The following DRD3 variants were observed in gnomAD, a reference collection of about 807,000 sequenced individuals.
DRD3 encodes D(3) dopamine receptor.
DRD3 carries 19 observed loss-of-function variants against 36.3 expected under a neutral mutation model. The observed-to-expected ratio is 0.52, with a 90% CI of 0.36 to 0.77. The LOEUF (loss-of-function observed/expected upper bound fraction) is 0.77, where lower values mean the gene tolerates loss of function less well. Ranked by LOEUF, DRD3 falls within the 30% of genes least tolerant of loss-of-function variation. The pLI is 0.00. For synonymous variants in DRD3, 195 were observed against 203.7 expected, an observed-to-expected ratio of 0.96 and a Z score of 0.36; for missense variants, 465 against 505.3, an observed-to-expected ratio of 0.92 and a Z score of 0.77.
intron 3 of DRD3, among the ~76,000 whole-genome samples, chr3:114,158,588 A>T (rs1389187708): frequency 6.6e-6 from 1 of 152,198 alleles, no homozygotes; most frequent in Non-Finnish European, 1.5e-5. Context: ...CCCATTACAG[A>T]GTCTTGAACA....
At chr3:114,144,902 G>A (rs1326779020) in intron 4 of DRD3, among the ~76,000 whole-genome samples, 1 of 152,108 alleles carries the variant, frequency 6.6e-6, no homozygotes, top group Non-Finnish European at 1.5e-5. Flanking sequence ...AATCCTTTTG[G>A]AAAAAACTTT....
chr3:114,181,222 A>G (rs2077946030), upstream of DRD3, among the ~76,000 whole-genome samples: 2 of 152,302 alleles, frequency 1.3e-5, no homozygotes, highest in African/African-American at 4.8e-5. Flanking sequence ...CTGTGTAGGA[A>G]CAAGAGACAG....
intron 2 of DRD3, among the ~76,000 whole-genome samples, chr3:114,169,034 C>G (rs1553768056): frequency 3.4e-5 from 5 of 145,074 alleles, no homozygotes; most frequent in Non-Finnish European, 7.6e-5. Flanking sequence ...GCACCCTTTT[C>G]TTTTCCAAAG....
chr3:114,151,526 A>C (rs2077617581), intron 3 of DRD3, among the ~76,000 whole-genome samples: 1 of 152,208 alleles, frequency 6.6e-6, no homozygotes, highest in Non-Finnish European at 1.5e-5. Context: ...TAACTGATGC[A>C]AAAAGTTTCT....
At chr3:114,164,908 G>A (rs1055928546) in intron 2 of DRD3, among the ~76,000 whole-genome samples, 1 of 152,052 alleles carries the variant, frequency 6.6e-6, no homozygotes, top group African/African-American at 2.4e-5. Context: ...ATGCCACCAG[G>A]CCCAGCTAAT....
At chr3:114,197,179 G>T (rs926451601) in intron 1 of DRD3, among the ~76,000 whole-genome samples, 1 of 147,866 alleles carries the variant, frequency 6.8e-6, no homozygotes. Flanking sequence ...TGGCATGATC[G>T]TAACTCACTG....
intron 1 of DRD3, among the ~76,000 whole-genome samples, chr3:114,197,512 A>T (rs932719803): frequency 3.9e-5 from 6 of 152,138 alleles, no homozygotes; most frequent in African/African-American, 1.4e-4. Context: ...TTGATGTCTC[A>T]TATAAGAAAT....
chr3:114,156,729 CTT>C (rs2077672361), intron 3 of DRD3, among the ~76,000 whole-genome samples: 1 of 37,650 alleles, frequency 2.7e-5, no homozygotes, highest in African/African-American at 7.6e-5. Context: ...TTCTTTCTTT[CTT>C]TCTTTCTTTC....
chr3:114,131,156 C>G lies in DRD3; in HGVS notation c.968G>C (p.Arg323Pro), dbSNP rs370774588. The change falls in exon 6 of 7, where the codon CGG becomes CCG. Residue 323 changes from arginine to proline, a missense_variant. Arg to Pro is a moderately radical substitution (Grantham distance 103). Coordinates refer to ENST00000383673, the MANE Select transcript of DRD3 (RefSeq NM_000796.6). Reference sequence around the variant, plus strand: ...CACCATTTGGGTTGCCTTCTTCTCCCGAAGTGGCACTCCCCGAGGTTGCAG... The same window carrying G: ...CACCATTTGGGTTGCCTTCTTCTCCGGAAGTGGCACTCCCCGAGGTTGCAG... Reference protein sequence around the residue: ...GPLQPRGVPLREKKATQMVAI... With the variant: ...GPLQPRGVPLPEKKATQMVAI... 6.2e-7 allele frequency: 1 copy of G among 1,614,128 alleles called. No individual in the cohort carries two copies. Among genetic ancestry groups the G allele is most frequent in the South Asian group, 1.1e-5 (1 of 91,076 alleles).
chr3:114,152,614 T>A (rs770880516), intron 3 of DRD3, among the ~76,000 whole-genome samples: 2 of 152,212 alleles, frequency 1.3e-5, no homozygotes, highest in Non-Finnish European at 2.9e-5. Flanking sequence ...CGGAGGGCAC[T>A]ATAATGCAGC....
intron 5 of DRD3, among the ~76,000 whole-genome samples, chr3:114,133,525 A>AG (rs889588957): frequency 1.8e-4 from 10 of 55,858 alleles, no homozygotes; most frequent in African/African-American, 4.3e-4. Flanking sequence ...TTAAAAAAAA[A>AG]AAAAGAAAAC....
At chr3:114,150,805 G>C (rs1248514670) in intron 3 of DRD3, among the ~76,000 whole-genome samples, 1 of 152,210 alleles carries the variant, frequency 6.6e-6, no homozygotes, top group Non-Finnish European at 1.5e-5. Flanking sequence ...GGCTCCTCCT[G>C]TGTGTTTCCC....
intron 1 of DRD3, among the ~76,000 whole-genome samples, chr3:114,196,307 T>C (rs2078035435): frequency 6.6e-6 from 1 of 152,132 alleles, no homozygotes; most frequent in African/African-American, 2.4e-5. Context: ...TTACTTTATT[T>C]CTACTTTTTC....
intron 1 of DRD3, among the ~76,000 whole-genome samples, chr3:114,174,879 C>T (rs2077882813): frequency 6.6e-6 from 1 of 151,756 alleles, no homozygotes; most frequent in Non-Finnish European, 1.5e-5. Flanking sequence ...AAGCAAAGAG[C>T]CTAGAGAATT....
In DRD3 at chr3:114,171,907, T is replaced by C; in HGVS notation, c.86A>G (p.His29Arg). ...NSTGASQARP[H>R]AYYALSYCAL... ...GCAGTAGGAGAGGGCATAGTAGGCA[T>C]GTGGGCGGGCCTGGCTGGCACCTGT... The change falls in exon 2 of 7, where the codon CAT (histidine) becomes CGT (arginine). Residue 29 changes from histidine (H) to arginine (R), a missense_variant. Transcript: ENST00000383673. The C allele has an allele frequency of 6.2e-7, 1 of 1,610,182 alleles. No individual in the cohort carries two copies. Among genetic ancestry groups the C allele is most frequent in the South Asian group, 1.1e-5 (1 of 90,412 alleles).
At position 114,139,078 on chromosome 3, in the gene DRD3, A is replaced by G. The variant is rs186841596; in HGVS notation, c.723+422T>C. ...TCCTTGACACACGGACAGATCCAGT[A>G]AGGAAAAAAGGCTTTGATGGACCCC... On this transcript the variant is annotated intron_variant, in intron 5 of 6. Transcript: ENST00000383673. 8.2e-4 allele frequency among the ~76,000 whole-genome samples: 125 copies of G among 152,336 alleles called. 4 individuals are homozygous for G. In the South Asian group the frequency reaches 0.013, roughly 16 times the overall value.
At chr3:114,146,171 T>C (rs987245706) in intron 4 of DRD3, among the ~76,000 whole-genome samples, 6 of 152,236 alleles carry the variant, frequency 3.9e-5, no homozygotes, top group African/African-American at 7.2e-5. Flanking sequence ...AGAATTTGCC[T>C]GTATTTATAT....
chr3:114,136,007 A>G (rs1000045770), intron 5 of DRD3, among the ~76,000 whole-genome samples: 30 of 152,150 alleles, frequency 2.0e-4, no homozygotes, highest in Non-Finnish European at 5.9e-5. Context: ...TTATGTTTAC[A>G]ATTAAACTGG....
chr3:114,164,198 G>A (rs1014630699), intron 2 of DRD3, among the ~76,000 whole-genome samples: 19 of 112,834 alleles, frequency 1.7e-4, no homozygotes, highest in Admixed American at 4.8e-4. Context: ...TCCAGCCTGG[G>A]TGATAGAGCG....
Sources: gnomAD v4.1 joint callset for allele counts (sites outside exome capture counted in the v4.1 genomes callset) on GRCh38, gnomAD v4.1.1 for gene constraint, MANE v1.5 for transcripts, NCBI Gene and HGNC (gene_info 2026-07-23, HGNC 2026-07-21) for gene names.